Variants in PSMD7 observed in about 807,000 individuals in gnomAD.
PSMD7 encodes proteasome 26S subunit, non-ATPase 7.
A neutral mutation model predicts 36.4 loss-of-function variants in PSMD7; 13 were observed. That is an observed-to-expected ratio of 0.36 (90% confidence interval 0.23 to 0.57). PSMD7 has a LOEUF of 0.57. Ranked by LOEUF, PSMD7 falls within the 20% of genes least tolerant of loss-of-function variation. The probability of loss-of-function intolerance (pLI) is 0.83; values close to 1 mark genes in which losing one functional copy is unlikely to be tolerated. For missense variants in PSMD7, 298 were observed against 393.6 expected (o/e 0.76, Z 2.06); for synonymous variants, 186 against 151.0 (o/e 1.23, Z -1.70).
chr16:74,302,265 G>A lies in PSMD7; in HGVS notation c.411G>A (p.Ala137=), dbSNP rs766846835. Residue 137 remains alanine (A), a synonymous_variant, in exon 5 of 7, where the codon GCG becomes GCA. Transcript: ENST00000219313. ...KPKDLGLPTE[A]YISVEEVHDD... is the part of the protein sequence containing the mutation. ...AGGACCTAGGGCTGCCTACAGAAGC[G>A]TACATTTCAGTGGAAGAAGTCCATG... 28 of 1,613,772 alleles carry A rather than the reference G, an allele frequency of 1.7e-5. No homozygotes were observed. The highest frequency in any genetic ancestry group is 1.9e-5 in the Non-Finnish European group (23 of 1,179,912).
intron 3 of PSMD7, 71 bp from the exon 4 acceptor site, chr16:74,301,484 T>C: frequency 3.4e-6 from 4 of 1,166,082 alleles, no homozygotes; most frequent in Non-Finnish European, 5.1e-6. Flanking sequence ...ACTGATGTTC[T>C]TATCCTTTTT....
chr16:74,300,443 C>T, intron 2 of PSMD7: 1 of 528,674 alleles, frequency 1.9e-6, no homozygotes, highest in East Asian at 3.2e-5. Flanking sequence ...GCAAGAGCTG[C>T]TATAGACAAC....
chr16:74,296,923 G>T lies in PSMD7; in HGVS notation c.9G>T (p.Glu3Asp). The change falls in exon 1 of 7, where the codon GAG (glutamate) becomes GAT (aspartate). Residue 3 changes from glutamate (E) to aspartate (D), a missense_variant. Transcript: ENST00000219313. ...GAGCGGGGTGTGTCGCGATGCCGGAGCTGGCAGTGCAGAAGGTGGTGGTCC... is the reference window on the plus strand; with the variant it reads ...GAGCGGGGTGTGTCGCGATGCCGGATCTGGCAGTGCAGAAGGTGGTGGTCC... MP[E>D]LAVQKVVVHP... The T allele has an allele frequency of 6.2e-7, 1 of 1,613,434 alleles. No homozygotes were observed.
chr16:74,298,711 CA>C (rs900429033), intron 1 of PSMD7, among the ~76,000 whole-genome samples: 1 of 151,174 alleles, frequency 6.6e-6, no homozygotes, highest in Non-Finnish European at 1.5e-5. Flanking sequence ...AAAAAAAAAA[CA>C]AAAAAACAAA....
At position 74,302,309 on chromosome 16, in the gene PSMD7, T is replaced by C. The variant is rs1222198717; in HGVS notation, c.438+17T>C. 1 of 1,608,450 alleles carries C rather than the reference T, an allele frequency of 6.2e-7. No homozygotes were observed. The highest frequency in any genetic ancestry group is 8.5e-7 in the Non-Finnish European group (1 of 1,175,856). On this transcript the variant is annotated intron_variant, in intron 5 of 6. Coordinates refer to ENST00000219313, the MANE Select transcript of PSMD7 (RefSeq NM_002811.5). ...GTCCATGATGTAAGTCATCTTGCTA[T>C]GAACCTGGGAGGTTAGACTGCTACT...
intron 6 of PSMD7, 52 bp from the exon 7 acceptor site, chr16:74,305,237 A>T: frequency 6.6e-7 from 1 of 1,519,666 alleles, no homozygotes; most frequent in Middle Eastern, 1.8e-4. Flanking sequence ...TTGCCTGATA[A>T]CATGGTACCC....
At chr16:74,300,989 A>G (rs550182085) in intron 2 of PSMD7, 63 bp from the exon 3 acceptor site, 24 of 1,044,388 alleles carry the variant, frequency 2.3e-5, no homozygotes, top group African/African-American at 1.6e-4. Flanking sequence ...GGGGTCTTCA[A>G]TTGTGACCTG....
intron 2 of PSMD7, chr16:74,300,549 C>T (rs375583791): frequency 3.7e-5 from 12 of 322,112 alleles, no homozygotes; most frequent in East Asian, 2.5e-4. Flanking sequence ...TGTTTAACCA[C>T]GCTTCTTATA....
intron 6 of PSMD7, chr16:74,305,003 C>G: frequency 5.7e-6 from 2 of 348,558 alleles, no homozygotes; most frequent in Non-Finnish European, 1.0e-5. Flanking sequence ...AACTGTTGAC[C>G]TAAGCAATTT....
At chr16:74,301,381 A>G (rs920652003) in intron 3 of PSMD7, among the ~76,000 whole-genome samples, 174 bp from the exon 4 acceptor site, 1 of 152,194 alleles carries the variant, frequency 6.6e-6, no homozygotes, top group African/African-American at 2.4e-5. Flanking sequence ...CAGAAAAGTG[A>G]AGAACTATCC....
In PSMD7 at chr16:74,305,739, G is replaced by T; in HGVS notation, c.*6G>T. 7.1e-7 allele frequency: 1 copy of T among 1,410,972 alleles called. No homozygotes were observed. 87.4% of individuals were successfully genotyped at this position (1,410,972 alleles called of 1,614,324 possible). A position where few individuals can be genotyped will look rare whatever the true frequency, so the allele number is the denominator to read the frequency against. On this transcript the variant is annotated 3_prime_UTR_variant, in exon 7 of 7. Coordinates refer to ENST00000219313, the MANE Select transcript of PSMD7 (RefSeq NM_002811.5). The stretch of plus-strand genomic sequence containing the variant: ...AGAAAAAGGAGAAAAAGTAAAACAT[G>T]TATTAAATAGCTTTTTTAATTTGTA...
At chr16:74,298,654 G>A (rs1383712897) in intron 1 of PSMD7, among the ~76,000 whole-genome samples, 1 of 152,106 alleles carries the variant, frequency 6.6e-6, no homozygotes, top group Non-Finnish European at 1.5e-5. Flanking sequence ...CTTGAGCTTA[G>A]GAGTTCAAGA....
intron 5 of PSMD7, chr16:74,303,994 C>T (rs1291053329): frequency 1.8e-5 from 4 of 220,830 alleles, no homozygotes; most frequent in Non-Finnish European, 2.8e-5. Context: ...CTGGCCAAAG[C>T]GGTATACTTT....
rs118126838 is a variant in PSMD7, at chr16:74,297,637, C to T, written c.74+649C>T. On this transcript the variant is annotated intron_variant, in intron 1 of 6. Coordinates refer to ENST00000219313, the MANE Select transcript of PSMD7 (RefSeq NM_002811.5). ...ATATGGATGATGCTGGAGTGGGGTGCAGGGTGGCTACCTTCATTTGGCCCT... is the reference window on the plus strand; with the variant it reads ...ATATGGATGATGCTGGAGTGGGGTGTAGGGTGGCTACCTTCATTTGGCCCT... Among the ~76,000 whole-genome samples the T allele has an allele frequency of 2.7e-3, 412 of 150,554 alleles. 2 individuals are homozygous for T. The highest frequency in any genetic ancestry group is 4.4e-3 in the Non-Finnish European group (297 of 67,658).
Position 74,305,590 on chromosome 16 carries a change from A to G in PSMD7, c.832A>G (p.Asn278Asp). ...SVVALHNLIN[N>D]KIANRDAEKK... ...GGTCGCCCTGCACAACCTCATCAAC[A>G]ACAAGATTGCCAACCGGGATGCAGA... is the stretch of plus-strand genomic sequence containing the variant. The change falls in exon 7 of 7, where the codon AAC becomes GAC. Residue 278 changes from asparagine to aspartate, a missense_variant. Physicochemically the swap from Asn to Asp is conservative, Grantham distance 23. Coordinates refer to ENST00000219313, the MANE Select transcript of PSMD7 (RefSeq NM_002811.5). 1 of 1,603,090 alleles carries G rather than the reference A, an allele frequency of 6.2e-7. No homozygotes were observed. Among genetic ancestry groups the G allele is most frequent in the Non-Finnish European group, 8.5e-7 (1 of 1,170,666 alleles).
chr16:74,304,228 C>T (rs2034178311), intron 5 of PSMD7, 75 bp from the exon 6 acceptor site: 1 of 1,329,414 alleles, frequency 7.5e-7, no homozygotes, highest in Non-Finnish European at 1.1e-6. Flanking sequence ...AAGCAAAAGA[C>T]TCAGGGTGCG....
chr16:74,300,028 CAT>C, intron 1 of PSMD7, 85 bp from the exon 2 acceptor site: 2 of 1,141,196 alleles, frequency 1.8e-6, no homozygotes, highest in South Asian at 2.5e-5. Flanking sequence ...GTATCTGTGC[CAT>C]TGATATTTCC....
At chr16:74,302,952 G>T (rs2034166805) in intron 5 of PSMD7, among the ~76,000 whole-genome samples, 1 of 152,248 alleles carries the variant, frequency 6.6e-6, no homozygotes, top group Non-Finnish European at 1.5e-5. Context: ...CTACCAGGGA[G>T]CTTAGAGCCA....
chr16:74,301,220 TAAC>T, intron 3 of PSMD7, 76 bp downstream of exon 3: 1 of 972,308 alleles, frequency 1.0e-6, no homozygotes, highest in Non-Finnish European at 1.6e-6. Context: ...CGCTTTTCTT[TAAC>T]ATCAAGGGCC....
Sources: gnomAD v4.1 joint callset for allele counts (sites outside exome capture counted in the v4.1 genomes callset) on GRCh38, gnomAD v4.1.1 for gene constraint, MANE v1.5 for transcripts, NCBI Gene and HGNC (gene_info 2026-07-23, HGNC 2026-07-21) for gene names.